ACTN2: variants seen among roughly 807,000 people sequenced by gnomAD.
The protein encoded by ACTN2 is actinin alpha 2.
Under a neutral mutation model 113.8 loss-of-function variants are expected in ACTN2, and 39 were observed. The ratio of observed to expected loss-of-function variants is 0.34; its 90% confidence interval spans 0.27 to 0.45. The LOEUF is 0.45. ACTN2 is among the 20% of genes least tolerant of loss of function. The pLI, the probability that ACTN2 is intolerant of heterozygous loss-of-function variation, is 1.00. For missense variants in ACTN2, 992 were observed against 1,177.9 expected, an observed-to-expected ratio of 0.84 and a Z score of 2.31; for synonymous variants, 429 against 444.1, an observed-to-expected ratio of 0.97 and a Z score of 0.43.
chr1:236,733,603 C>G (rs1185245133), intron 7 of ACTN2, among the ~76,000 whole-genome samples: 1 of 152,204 alleles, frequency 6.6e-6, no homozygotes, highest in East Asian at 1.9e-4. Context: ...GCAAACAGTT[C>G]TGAACTTGGC....
intron 1 of ACTN2, among the ~76,000 whole-genome samples, chr1:236,692,217 C>T (rs1406756855): frequency 1.3e-5 from 2 of 152,178 alleles, no homozygotes; most frequent in Admixed American, 6.5e-5. Flanking sequence ...AGGGATTATA[C>T]GAAGTATTAA....
rs746887157 is a variant in ACTN2 at position 236,762,497 on chromosome 1, C to T, written c.2563C>T (p.Pro855Ser). 1.2e-6 allele frequency: 2 copies of T among 1,613,996 alleles called. No individual in the cohort carries two copies. The highest frequency in any genetic ancestry group is 1.3e-5 in the African/African-American group (1 of 74,912). ...ILAEELRREL[P>S]PDQAQYCIKR... is the part of the protein sequence containing the mutation. ...GGCGGAGGAGCTGCGTCGGGAGCTG[C>T]CCCCGGATCAGGCCCAGTACTGCAT... Residue 855 changes from proline (P) to serine (S), a missense_variant, in exon 21 of 21, where the codon CCC becomes TCC. Transcript: ENST00000366578.
At chr1:236,688,582 T>C (rs1665957672) in intron 1 of ACTN2, among the ~76,000 whole-genome samples, 4 of 152,238 alleles carry the variant, frequency 2.6e-5, no homozygotes, top group Admixed American at 2.6e-4. Flanking sequence ...GTTGATTATT[T>C]AAAAATAACA....
chr1:236,755,341 A>G (rs1161496130), intron 17 of ACTN2, 143 bp downstream of exon 17: 12 of 961,084 alleles, frequency 1.2e-5, no homozygotes, highest in Non-Finnish European at 1.6e-5. Flanking sequence ...AAGCCTTTCC[A>G]GTCACTATTT....
At chr1:236,722,427 C>T (rs1668791180) in intron 4 of ACTN2, among the ~76,000 whole-genome samples, 1 of 151,920 alleles carries the variant, frequency 6.6e-6, no homozygotes, top group African/African-American at 2.4e-5. Flanking sequence ...ATGAGGTCAG[C>T]AGTTCGAGAC....
At chr1:236,759,661 G>A (rs1036312323) in intron 18 of ACTN2, 63 bp from the exon 19 acceptor site, 1 of 1,395,796 alleles carries the variant, frequency 7.2e-7, no homozygotes, top group Non-Finnish European at 1.0e-6. Context: ...TGTTCAGTTG[G>A]TCAAGTAGAG....
At chr1:236,746,295 T>C (rs1659236977) in intron 12 of ACTN2, among the ~76,000 whole-genome samples, 1 of 152,184 alleles carries the variant, frequency 6.6e-6, no homozygotes, top group African/African-American at 2.4e-5. Context: ...AGCAGCCTCC[T>C]GAAGATGTCT....
chr1:236,711,367 T>A (rs944596758), intron 1 of ACTN2, among the ~76,000 whole-genome samples: 2 of 152,230 alleles, frequency 1.3e-5, no homozygotes, highest in African/African-American at 4.8e-5. Flanking sequence ...TTTTATTTTT[T>A]TGCGACAGAG....
Position 236,737,315 on chromosome 1 carries a change from A to ATATG in ACTN2, c.876+104_876+105insGTAT, listed in dbSNP as rs1428788821. The ATATG allele has an allele frequency of 3.1e-5, 9 of 295,064 alleles. 1 individual carries two copies. The highest frequency in any genetic ancestry group is 2.1e-4 in the African/African-American group (9 of 43,674). The allele number at this position is 295,064 out of a possible 1,614,324, so 18.3% of individuals were successfully genotyped here. A position where few individuals can be genotyped will look rare whatever the true frequency, so the allele number is the denominator to read the frequency against. ...CGTGGGGGCATATATATATATATATATATTTTGCATTTTTCATCTCAGATA... is the reference window on the plus strand; with the variant it reads ...CGTGGGGGCATATATATATATATATATATGTATTTTGCATTTTTCATCTCAGATA... On this transcript the variant is annotated intron_variant, in intron 9 of 20. Transcript: ENST00000366578.
In ACTN2 at chr1:236,751,601, C is replaced by T. The variant is rs374530022; in HGVS notation, c.1788C>T (p.Ser596=). Residue 596 remains serine, a synonymous_variant, in exon 15 of 21, where the codon AGC becomes AGT. Transcript: ENST00000366578. ...IQSYNIRISS[S]NPYSTVTMDE... ...GCTACAACATCAGAATCAGCTCAAG[C>T]AACCCGTACAGCACTGTCACCATGG... 3 of 1,614,042 alleles carry T rather than the reference C, an allele frequency of 1.9e-6. No homozygotes were observed. The highest frequency in any genetic ancestry group is 2.5e-6 in the Non-Finnish European group (3 of 1,179,932).
At chr1:236,720,315 G>A in intron 4 of ACTN2, 124 bp downstream of exon 4, 1 of 797,928 alleles carries the variant, frequency 1.3e-6, no homozygotes, top group Non-Finnish European at 2.1e-6. Flanking sequence ...CATGTAAGTG[G>A]GTTCTTATAA....
intron 9 of ACTN2, among the ~76,000 whole-genome samples, chr1:236,738,916 A>G (rs145190679): frequency 5.3e-5 from 8 of 152,312 alleles, no homozygotes; most frequent in African/African-American, 1.7e-4. Context: ...TCTTTGCTGA[A>G]TTTATTACAC....
chr1:236,761,002 C>T lies in ACTN2; in HGVS notation c.2368-13C>T. On this transcript the variant is annotated splice_polypyrimidine_tract_variant and intron_variant, in intron 19 of 20. Coordinates refer to ENST00000366578, the MANE Select transcript of ACTN2 (RefSeq NM_001103.4). ...ACCGTTCGTGTACATGTTTCTTTGC[C>T]ACTTTGCCCCAGGGTGAAGCCGAAT... The T allele has an allele frequency of 6.2e-7, 1 of 1,614,148 alleles. No homozygotes were observed. The highest frequency in any genetic ancestry group is 8.5e-7 in the Non-Finnish European group (1 of 1,180,030).
chr1:236,733,661 G>A (rs1338313692), intron 7 of ACTN2, among the ~76,000 whole-genome samples: 1 of 152,184 alleles, frequency 6.6e-6, no homozygotes, highest in Non-Finnish European at 1.5e-5. Context: ...AACAGATTTA[G>A]CCACGCATTC....
intron 1 of ACTN2, among the ~76,000 whole-genome samples, chr1:236,689,197 G>T (rs1399939864): frequency 6.6e-6 from 1 of 151,830 alleles, no homozygotes; most frequent in East Asian, 1.9e-4. Context: ...TTACACAGAA[G>T]AGTGTGTTAA....
At chr1:236,713,080 C>T (rs893509432) in intron 1 of ACTN2, among the ~76,000 whole-genome samples, 1 of 151,706 alleles carries the variant, frequency 6.6e-6, no homozygotes, top group Non-Finnish European at 1.5e-5. Context: ...ACTTAATTAT[C>T]CGGAAACAAC....
chr1:236,724,628 C>T (rs1658494574), intron 4 of ACTN2, among the ~76,000 whole-genome samples: 1 of 152,170 alleles, frequency 6.6e-6, no homozygotes, highest in Non-Finnish European at 1.5e-5. Context: ...AGTCTCACGT[C>T]GCATAGGGGT....
intron 12 of ACTN2, among the ~76,000 whole-genome samples, chr1:236,745,816 G>T (rs1041856841): frequency 3.3e-5 from 5 of 152,044 alleles, no homozygotes; most frequent in African/African-American, 1.2e-4. Context: ...TCACATAATG[G>T]TAACTTCAAA....
In ACTN2 at chr1:236,759,745, C is replaced by T. The variant is rs370677725; in HGVS notation, c.2323C>T (p.His775Tyr). ...ACAGAGGAAGAATGGCCTGATGGAT[C>T]ATGAGGATTTCAGAGCCTGCCTGAT... ...FDRRKNGLMDHEDFRACLISM... is the reference protein window; with the variant it reads ...FDRRKNGLMDYEDFRACLISM... The change falls in exon 19 of 21, where the codon CAT becomes TAT. Residue 775 changes from histidine to tyrosine, a missense_variant. Physicochemically the swap from His to Tyr is moderately conservative, Grantham distance 83. This residue lies in a region of ACTN2 where 736 missense variants were observed against 815.4 expected (regional missense o/e 0.90). Transcript: ENST00000366578. 7.1e-5 allele frequency: 114 copies of T among 1,613,964 alleles called. No homozygotes were observed. The highest frequency in any genetic ancestry group is 9.1e-5 in the Non-Finnish European group (107 of 1,179,978).
Sources: allele counts gnomAD v4.1 joint callset (sites outside exome capture counted in the v4.1 genomes callset), GRCh38; gene constraint gnomAD v4.1.1; regional missense constraint gnomAD v4.1.1; transcripts MANE v1.5; gene names NCBI Gene and HGNC (gene_info 2026-07-23, HGNC 2026-07-21).